The following FERMT2 variants were observed in gnomAD, a reference collection of about 807,000 sequenced individuals.
FERMT2 encodes fermitin family homolog 2.
In FERMT2, 15 loss-of-function variants were observed where a neutral mutation model predicts 82.7. That is an observed-to-expected ratio of 0.18 (90% confidence interval 0.12 to 0.28). The LOEUF is 0.28. Ranked by LOEUF, FERMT2 falls within the 10% of genes least tolerant of loss-of-function variation. FERMT2 has a pLI of 1.00. For missense variants in FERMT2, 645 were observed against 809.4 expected, an observed-to-expected ratio of 0.80 and a Z score of 2.46; for synonymous variants, 274 against 271.5, an observed-to-expected ratio of 1.01 and a Z score of -0.09.
At chr14:52,882,444 T>C (rs955781403) in intron 4 of FERMT2, among the ~76,000 whole-genome samples, 12 of 152,180 alleles carry the variant, frequency 7.9e-5, no homozygotes, top group African/African-American at 2.9e-4. Flanking sequence ...CAACAGATGG[T>C]ATGTGCTCCT....
At chr14:52,937,780 G>A (rs752682900) in intron 2 of FERMT2, among the ~76,000 whole-genome samples, 6 of 152,106 alleles carry the variant, frequency 3.9e-5, no homozygotes, top group Non-Finnish European at 8.8e-5. Context: ...TTATCTCTAT[G>A]CAGGAATGTT....
intron 3 of FERMT2, among the ~76,000 whole-genome samples, chr14:52,894,109 G>A (rs528652582): frequency 1.1e-4 from 17 of 152,262 alleles, no homozygotes; most frequent in African/African-American, 3.9e-4. Context: ...TTACCGGCGT[G>A]AGCCACCGTG....
At chr14:52,874,802 TA>T (rs1001461715) in intron 8 of FERMT2, among the ~76,000 whole-genome samples, 43 of 152,174 alleles carry the variant, frequency 2.8e-4, no homozygotes, top group African/African-American at 1.0e-3. Flanking sequence ...ATTATTACTT[TA>T]AAAACAAACT....
chr14:52,905,643 G>A (rs1887963364), intron 3 of FERMT2, among the ~76,000 whole-genome samples: 1 of 152,130 alleles, frequency 6.6e-6, no homozygotes, highest in Non-Finnish European at 1.5e-5. Flanking sequence ...ATGTGTAGGT[G>A]AGGAAGAGGG....
chr14:52,907,767 A>AC (rs71444785), intron 3 of FERMT2, among the ~76,000 whole-genome samples: 41 of 148,800 alleles, frequency 2.8e-4, no homozygotes, highest in Non-Finnish European at 4.3e-4. Flanking sequence ...CAAAACAACC[A>AC]CCCCCCACCA....
chr14:52,900,381 A>C (rs201080377), intron 3 of FERMT2, among the ~76,000 whole-genome samples: 1 of 60,008 alleles, frequency 1.7e-5, no homozygotes, highest in South Asian at 7.2e-4. Flanking sequence ...ACATATAAAA[A>C]AGCATGAGGG....
intron 3 of FERMT2, among the ~76,000 whole-genome samples, chr14:52,907,010 A>C (rs771617786): frequency 7.0e-4 from 59 of 83,726 alleles, no homozygotes; most frequent in Non-Finnish European, 1.4e-3. Flanking sequence ...ATGAAGGCAA[A>C]ATTAAAAAAA....
intron 2 of FERMT2, among the ~76,000 whole-genome samples, chr14:52,930,518 T>A (rs985890960): frequency 1.3e-5 from 2 of 152,130 alleles, no homozygotes; most frequent in Non-Finnish European, 2.9e-5. Context: ...GAGAGTGAGT[T>A]GGATGGGGTA....
chr14:52,878,153 C>T (rs550700484), intron 7 of FERMT2, among the ~76,000 whole-genome samples: 1 of 152,280 alleles, frequency 6.6e-6, no homozygotes, highest in African/African-American at 2.4e-5. Flanking sequence ...CTAAAAGCAT[C>T]GCTTTGCTAC....
At chr14:52,890,464 G>GA (rs1187343872) in intron 4 of FERMT2, among the ~76,000 whole-genome samples, 2 of 148,266 alleles carry the variant, frequency 1.3e-5, no homozygotes, top group African/African-American at 5.0e-5. Context: ...AAAAAGAAAA[G>GA]AAAAAAAAGA....
intron 2 of FERMT2, among the ~76,000 whole-genome samples, chr14:52,939,192 TAAAA>T (rs34395615): frequency 1.2e-5 from 1 of 86,048 alleles, no homozygotes; most frequent in African/African-American, 4.6e-5. Context: ...CCATCTCTAC[TAAAA>T]AAAAAAAAAA....
At chr14:52,913,535 A>C (rs976438144) in intron 3 of FERMT2, among the ~76,000 whole-genome samples, 3 of 152,112 alleles carry the variant, frequency 2.0e-5, no homozygotes, top group African/African-American at 7.2e-5. Context: ...CCTGCACTCT[A>C]TCTATGAGGA....
At chr14:52,948,689 G>A in intron 2 of FERMT2, 1 of 418,710 alleles carries the variant, frequency 2.4e-6, no homozygotes, top group South Asian at 1.8e-5. Flanking sequence ...ATTTATTACT[G>A]TGATTCTATA....
chr14:52,858,731 T>C (rs1418857973), intron 14 of FERMT2, 181 bp from the exon 15 acceptor site: 6 of 552,302 alleles, frequency 1.1e-5, no homozygotes, highest in Admixed American at 6.3e-5. Flanking sequence ...GCTAAGTTTA[T>C]TGCCCTTCCC....
At chr14:52,918,533 G>C (rs1480736409) in intron 3 of FERMT2, among the ~76,000 whole-genome samples, 1 of 152,138 alleles carries the variant, frequency 6.6e-6, no homozygotes, top group Non-Finnish European at 1.5e-5. Flanking sequence ...TCTCAAATAG[G>C]AAAAAATACA....
chr14:52,912,198 T>A (rs1289412382), intron 3 of FERMT2, among the ~76,000 whole-genome samples: 3 of 152,224 alleles, frequency 2.0e-5, no homozygotes, highest in Admixed American at 6.5e-5. Context: ...GCCCTTGGTA[T>A]CTGCTCCTTC....
intron 10 of FERMT2, 73 bp from the exon 11 acceptor site, chr14:52,864,926 C>T (rs189518090): frequency 2.4e-6 from 2 of 842,980 alleles, no homozygotes; most frequent in East Asian, 2.4e-5. Flanking sequence ...AAGCAGCCCT[C>T]ATTCTGTGGC....
intron 3 of FERMT2, among the ~76,000 whole-genome samples, chr14:52,898,834 C>T (rs1481735306): frequency 6.6e-6 from 1 of 152,158 alleles, no homozygotes; most frequent in African/African-American, 2.4e-5. Context: ...CCTTACATAA[C>T]AAATCTCATG....
At chr14:52,910,823 A>G (rs919994425) in intron 3 of FERMT2, among the ~76,000 whole-genome samples, 8 of 152,166 alleles carry the variant, frequency 5.3e-5, no homozygotes, top group Non-Finnish European at 1.2e-4. Context: ...AGGTAACAAT[A>G]TATTTTGGTA....
Sources: allele counts gnomAD v4.1 joint callset (sites outside exome capture counted in the v4.1 genomes callset), GRCh38; gene constraint gnomAD v4.1.1; transcripts MANE v1.5; gene names NCBI Gene and HGNC (gene_info 2026-07-23, HGNC 2026-07-21).